LRFN5: variants seen among roughly 807,000 people sequenced by gnomAD.
LRFN5 encodes leucine-rich repeat and fibronectin type-III domain-containing protein 5.
LRFN5 carries 24 observed loss-of-function variants against 45.6 expected under a neutral mutation model. The ratio of observed to expected loss-of-function variants is 0.53; its 90% CI spans 0.38 to 0.74. The LOEUF is 0.74. Among genes scored for constraint, LRFN5 ranks in the 30% least tolerant of loss-of-function variants. The probability of loss-of-function intolerance (pLI) is 0.00; values close to 1 mark genes in which losing one functional copy is unlikely to be tolerated. For synonymous variants in LRFN5, 340 were observed against 313.8 expected (o/e 1.08, Z -0.88); for missense variants, 776 against 861.5 (o/e 0.90, Z 1.24).
chr14:41,891,626 T>C lies in LRFN5; in HGVS notation c.1762T>C (p.Ser588Pro), dbSNP rs778956358. The C allele has an allele frequency of 6.2e-7, 1 of 1,614,146 alleles. No homozygotes were observed. The highest frequency in any genetic ancestry group is 2.2e-5 in the East Asian group (1 of 44,874). ...AGGCTGTAGTGTAACGCTGCCCCAGTCCGTGTCCAAACAAGCTGTGGGACA... is the reference window on the plus strand; with the variant it reads ...AGGCTGTAGTGTAACGCTGCCCCAGCCCGTGTCCAAACAAGCTGTGGGACA... Reference protein sequence around the residue: ...IQGCSVTLPQSVSKQAVGHEE... With the variant: ...IQGCSVTLPQPVSKQAVGHEE... The change falls in exon 4 of 6, where the codon TCC becomes CCC. Residue 588 changes from serine (S) to proline (P), a missense_variant. Around this residue, in one of 2 missense-constraint regions of LRFN5, gnomAD observed 465 missense variants for 456.4 expected, o/e 1.02. Transcript: ENST00000298119.
At chr14:41,821,057 A>G (rs1211831787) in intron 2 of LRFN5, among the ~76,000 whole-genome samples, 2 of 152,080 alleles carry the variant, frequency 1.3e-5, no homozygotes, top group Non-Finnish European at 2.9e-5. Flanking sequence ...TCATGAATAA[A>G]TAGAGACAAA....
intron 2 of LRFN5, among the ~76,000 whole-genome samples, chr14:41,806,762 C>T (rs180897373): frequency 1.3e-5 from 2 of 152,254 alleles, no homozygotes; most frequent in East Asian, 1.9e-4. Context: ...GGAAGTACAC[C>T]TGCCTGCTTA....
intron 1 of LRFN5, among the ~76,000 whole-genome samples, chr14:41,657,756 T>G (rs1050023375): frequency 6.6e-6 from 1 of 151,988 alleles, no homozygotes; most frequent in South Asian, 2.1e-4. Context: ...TGAAATTATT[T>G]AATAAACCTT....
rs145658918 is a variant in LRFN5 at position 41,728,117 on chromosome 14, C to T, written c.-196-38737C>T. Among the ~76,000 whole-genome samples the T allele has an allele frequency of 9.9e-3, 1,507 of 152,138 alleles. 8 individuals are homozygous for T. The highest frequency in any genetic ancestry group is 0.015 in the East Asian group (79 of 5,176). Reference sequence around the variant, plus strand: ...ATATCACTCCTGTTGGGGGTGGTTTCCAAAATCTAAAGGGCTGTATTTCAC... The same window carrying T: ...ATATCACTCCTGTTGGGGGTGGTTTTCAAAATCTAAAGGGCTGTATTTCAC... On this transcript the variant is annotated intron_variant, in intron 1 of 5. Transcript: ENST00000298119.
chr14:41,702,712 G>A (rs542611002), intron 1 of LRFN5, among the ~76,000 whole-genome samples: 2 of 151,718 alleles, frequency 1.3e-5, no homozygotes, highest in South Asian at 4.2e-4. Flanking sequence ...CCATCCTCCT[G>A]CTTGGGCCTC....
chr14:41,844,214 G>T (rs1010367308), intron 2 of LRFN5, among the ~76,000 whole-genome samples: 1 of 152,140 alleles, frequency 6.6e-6, no homozygotes, highest in African/African-American at 2.4e-5. Flanking sequence ...AAGGTGGGCG[G>T]ATCACGAGGT....
chr14:41,813,017 T>C (rs1887788763), intron 2 of LRFN5, among the ~76,000 whole-genome samples: 1 of 152,124 alleles, frequency 6.6e-6, no homozygotes, highest in Non-Finnish European at 1.5e-5. Flanking sequence ...AGGTTGAAAG[T>C]GATGAGAAAT....
At chr14:41,876,257 G>GCGTAATTGTC (rs1417289462) in intron 2 of LRFN5, among the ~76,000 whole-genome samples, 2 of 149,996 alleles carry the variant, frequency 1.3e-5, no homozygotes, top group Non-Finnish European at 3.0e-5. Context: ...CCAGAGGAAT[G>GCGTAATTGTC]CGTAATTGTC....
chr14:41,735,852 G>C (rs1884407695), intron 1 of LRFN5, among the ~76,000 whole-genome samples: 2 of 151,952 alleles, frequency 1.3e-5, no homozygotes, highest in Non-Finnish European at 2.9e-5. Flanking sequence ...GAGAACATGT[G>C]GTGTTTGGAT....
In LRFN5 at chr14:41,883,827, T is replaced by A. The variant is rs185546628; in HGVS notation, c.-20-2779T>A. ...TGAGCTTGGATTTATAGATTTTTTT[T>A]AATAACATTCAACAAATTGTTTGCT... On this transcript the variant is annotated intron_variant, in intron 2 of 5. Transcript: ENST00000298119. Among the ~76,000 whole-genome samples, 972 of 152,248 alleles carry A rather than the reference T, an allele frequency of 6.4e-3. 7 individuals are homozygous for A. Among genetic ancestry groups the A allele is most frequent in the African/African-American group, 0.022 (925 of 41,500 alleles).
intron 2 of LRFN5, among the ~76,000 whole-genome samples, chr14:41,837,700 A>G (rs1888711491): frequency 6.6e-6 from 1 of 152,180 alleles, no homozygotes; most frequent in Non-Finnish European, 1.5e-5. Flanking sequence ...ACTTTAAAAA[A>G]TGTATTTCCT....
At chr14:41,656,649 C>T (rs1397704414) in intron 1 of LRFN5, among the ~76,000 whole-genome samples, 1 of 151,672 alleles carries the variant, frequency 6.6e-6, no homozygotes, top group Non-Finnish European at 1.5e-5. Context: ...ATAGATACTC[C>T]CAGAGTACAG....
At chr14:41,790,774 T>TTTTA (rs1886891084) in intron 2 of LRFN5, among the ~76,000 whole-genome samples, 1 of 150,890 alleles carries the variant, frequency 6.6e-6, no homozygotes, top group Non-Finnish European at 1.5e-5. Context: ...AACCATGGTC[T>TTTTA]TTATTCCAGA....
At chr14:41,711,042 T>C (rs2138746502) in intron 1 of LRFN5, among the ~76,000 whole-genome samples, 1 of 152,238 alleles carries the variant, frequency 6.6e-6, no homozygotes, top group Admixed American at 6.5e-5. Context: ...ATGACTCCAC[T>C]CTGAAAATCA....
Position 41,607,848 on chromosome 14 carries a change from A to G in LRFN5, c.-911A>G, listed in dbSNP as rs1284440156. On this transcript the variant is annotated 5_prime_UTR_variant, in exon 1 of 6. Transcript: ENST00000298119. ...TCTACACCTTCTTCTCTTGGCCAGA[A>G]GGATATTTACGTTTTGGTTCACAGC... 1 of 152,214 alleles carries G rather than the reference A, an allele frequency of 6.6e-6. No homozygotes were observed. The highest frequency in any genetic ancestry group is 2.4e-5 in the African/African-American group (1 of 41,456). The allele number at this position is 152,214 out of a possible 1,614,324, so 9.4% of individuals were successfully genotyped here.
intron 1 of LRFN5, among the ~76,000 whole-genome samples, chr14:41,678,749 G>A (rs1881750984): frequency 6.6e-6 from 1 of 152,094 alleles, no homozygotes. Context: ...ACTAAATTGA[G>A]CTACTATCCA....
At chr14:41,817,002 T>G (rs1406074506) in intron 2 of LRFN5, among the ~76,000 whole-genome samples, 1 of 150,832 alleles carries the variant, frequency 6.6e-6, no homozygotes, top group Non-Finnish European at 1.5e-5. Context: ...TGGGAAGTTT[T>G]TTTTTTTTTT....
chr14:41,676,549 A>G (rs1473104314), intron 1 of LRFN5, among the ~76,000 whole-genome samples: 2 of 152,196 alleles, frequency 1.3e-5, no homozygotes, highest in Non-Finnish European at 2.9e-5. Flanking sequence ...GGTGGTGAGA[A>G]CCAGGGAAAC....
intron 1 of LRFN5, among the ~76,000 whole-genome samples, chr14:41,755,818 C>G (rs1051613991): frequency 5.3e-5 from 8 of 152,088 alleles, no homozygotes; most frequent in Non-Finnish European, 1.2e-4. Context: ...ATGATGTTAG[C>G]TGGTTATTTT....
Sources: allele counts gnomAD v4.1 joint callset (sites outside exome capture counted in the v4.1 genomes callset), GRCh38; gene constraint gnomAD v4.1.1; regional missense constraint gnomAD v4.1.1; transcripts MANE v1.5; gene names NCBI Gene and HGNC (gene_info 2026-07-23, HGNC 2026-07-21).